The following CARMIL1 variants were observed in gnomAD, a reference collection of about 807,000 sequenced individuals.
CARMIL1 encodes the protein F-actin-uncapping protein LRRC16A.
A neutral mutation model predicts 177.1 loss-of-function variants in CARMIL1; 90 were observed. The observed-to-expected ratio is 0.51, with a 90% CI of 0.43 to 0.61. The LOEUF is 0.61. Among genes scored for constraint, CARMIL1 ranks in the 20% least tolerant of loss-of-function variants. The pLI, the probability that CARMIL1 is intolerant of heterozygous loss-of-function variation, is 0.00. For synonymous variants in CARMIL1, 577 were observed against 606.2 expected (o/e 0.95, Z 0.71); for missense variants, 1,380 against 1,667.0 (o/e 0.83, Z 3.00).
intron 3 of CARMIL1, among the ~76,000 whole-genome samples, chr6:25,422,060 G>T (rs1795908941): frequency 6.6e-6 from 1 of 152,072 alleles, no homozygotes; most frequent in African/African-American, 2.4e-5. Flanking sequence ...ATAGCTAAAA[G>T]ATGTGAAGTT....
At chr6:25,447,921 T>G (rs1431258432) in intron 5 of CARMIL1, among the ~76,000 whole-genome samples, 1 of 152,090 alleles carries the variant, frequency 6.6e-6, no homozygotes, top group African/African-American at 2.4e-5. Context: ...CTGCTCCTTC[T>G]GTCCACACTG....
rs536491747 is a variant in CARMIL1 at position 25,481,572 on chromosome 6, C to T, written c.875-685C>T. Among the ~76,000 whole-genome samples, 6 of 152,302 alleles carry T rather than the reference C, an allele frequency of 3.9e-5. No individual in the cohort carries two copies. The South Asian group carries it at 1.2e-3, about 32-fold the overall frequency. On this transcript the variant is annotated intron_variant, in intron 11 of 36. Transcript: ENST00000329474. ...TTGAAGGACCTGTATGAAGGGCATA[C>T]GTTTGTGTATTACTTATTTCCTCCC... is the stretch of plus-strand genomic sequence containing the variant.
intron 17 of CARMIL1, among the ~76,000 whole-genome samples, chr6:25,505,835 T>G (rs1159547319): frequency 7.0e-6 from 1 of 142,166 alleles, no homozygotes; most frequent in Non-Finnish European, 1.5e-5. Context: ...GGGACTAAAT[T>G]CTTCAAACTT....
intron 1 of CARMIL1, among the ~76,000 whole-genome samples, chr6:25,283,988 G>T (rs140624591): frequency 0.02 from 3,027 of 152,204 alleles, 75 homozygotes; most frequent in African/African-American, 0.049. Context: ...AAAGTGCTGG[G>T]ATTACAGACG....
rs553676759 is a variant in CARMIL1, at chr6:25,361,406, C to T, written c.139-58708C>T. 3.3e-5 allele frequency among the ~76,000 whole-genome samples: 5 copies of T among 152,178 alleles called. No individual in the cohort carries two copies. The East Asian group carries it at 9.7e-4, about 29-fold the overall frequency. On this transcript the variant is annotated intron_variant, in intron 2 of 36. Transcript: ENST00000329474. ...CCCCTGCACACTCCTCCCACCCCAC[C>T]CTTCCAAGCTTGATCTCAGCAAATT...
intron 5 of CARMIL1, among the ~76,000 whole-genome samples, chr6:25,444,526 C>A (rs1798044186): frequency 2.0e-5 from 3 of 152,112 alleles, no homozygotes; most frequent in Admixed American, 2.0e-4. Flanking sequence ...CCTCCCCCAG[C>A]CCCCACCGCC....
At chr6:25,578,391 C>T (rs1364538778) in intron 29 of CARMIL1, among the ~76,000 whole-genome samples, 1 of 152,078 alleles carries the variant, frequency 6.6e-6, no homozygotes, top group African/African-American at 2.4e-5. Flanking sequence ...GCAAATAAAC[C>T]AAATTTCTAG....
chr6:25,298,533 T>A (rs1394723496), intron 2 of CARMIL1, among the ~76,000 whole-genome samples: 6 of 152,222 alleles, frequency 3.9e-5, no homozygotes, highest in Non-Finnish European at 8.8e-5. Context: ...GCATTTCCAA[T>A]ACGTATCTGT....
intron 17 of CARMIL1, among the ~76,000 whole-genome samples, chr6:25,504,645 C>A (rs1331503762): frequency 2.0e-5 from 3 of 152,140 alleles, no homozygotes; most frequent in Admixed American, 6.5e-5. Flanking sequence ...AACTTCTATA[C>A]TTACAGGAAA....
intron 1 of CARMIL1, among the ~76,000 whole-genome samples, chr6:25,283,434 C>CTT (rs1283498154): frequency 6.6e-6 from 1 of 152,110 alleles, no homozygotes; most frequent in African/African-American, 2.4e-5. Context: ...TTTTAGGAGA[C>CTT]TGACTTTCTG....
rs1810463587 is a variant in CARMIL1, at chr6:25,554,904, C to G, written c.2592+808C>G. Among the ~76,000 whole-genome samples the G allele has an allele frequency of 6.6e-6, 1 of 152,164 alleles. No homozygotes were observed. The highest frequency in any genetic ancestry group is 2.4e-5 in the African/African-American group (1 of 41,436). On this transcript the variant is annotated intron_variant, in intron 28 of 36. Transcript: ENST00000329474. This position sits in a 1 kb window ranked among gnomAD's most constrained non-coding sequence, Gnocchi z 4.6. ...CTAGAGAATCCTAAAATGAGAGGAG[C>G]AGCAATAGCTTCTTCTGCGTGAAAC...
intron 25 of CARMIL1, among the ~76,000 whole-genome samples, chr6:25,539,452 G>C (rs1026954896): frequency 1.3e-5 from 2 of 151,756 alleles, no homozygotes; most frequent in African/African-American, 4.8e-5. Flanking sequence ...TCATACCCCA[G>C]ATGAAGACAT....
At chr6:25,451,850 C>T (rs1798957229) in intron 8 of CARMIL1, among the ~76,000 whole-genome samples, 1 of 152,064 alleles carries the variant, frequency 6.6e-6, no homozygotes, top group Non-Finnish European at 1.5e-5. Context: ...TAAACTCCAA[C>T]CCAATAAATC....
intron 11 of CARMIL1, among the ~76,000 whole-genome samples, chr6:25,477,981 A>G (rs1465269054): frequency 6.7e-6 from 1 of 149,658 alleles, no homozygotes; most frequent in Non-Finnish European, 1.5e-5. Context: ...TCAGTCTCCC[A>G]AGTAGCTGGG....
Position 25,600,414 on chromosome 6 carries a change from A to G in CARMIL1, c.3220A>G (p.Ile1074Val), listed in dbSNP as rs749634790. 8.7e-6 allele frequency: 14 copies of G among 1,613,880 alleles called. No homozygotes were observed. Among genetic ancestry groups the G allele is most frequent in the South Asian group, 2.2e-5 (2 of 91,086 alleles). The change falls in exon 33 of 37, where the codon ATC becomes GTC. Residue 1074 changes from isoleucine (I) to valine (V), a missense_variant. Physicochemically the swap from Ile to Val is conservative, Grantham distance 29. Coordinates refer to ENST00000329474, the MANE Select transcript of CARMIL1 (RefSeq NM_017640.6). ...GAAAAGTAGTGGCTTTCTCAATTTA[A>G]TCAAATCCCGGTCCAAATCCGAGCG... is the stretch of plus-strand genomic sequence containing the variant. ...SRKSSGFLNL[I>V]KSRSKSERPP...
At chr6:25,472,379 A>G (rs1440911131) in intron 10 of CARMIL1, 48 bp from the exon 11 acceptor site, 8 of 1,274,594 alleles carry the variant, frequency 6.3e-6, no homozygotes, top group South Asian at 2.6e-5. Flanking sequence ...TTCCGTTCGA[A>G]TGGTTTTACA....
chr6:25,317,015 G>A (rs1784334152), intron 2 of CARMIL1, among the ~76,000 whole-genome samples: 1 of 152,192 alleles, frequency 6.6e-6, no homozygotes, highest in African/African-American at 2.4e-5. Context: ...AATGTTTGAA[G>A]ACTGTTACTA....
chr6:25,550,822 G>C, intron 26 of CARMIL1, 88 bp from the exon 27 acceptor site: 1 of 1,212,352 alleles, frequency 8.2e-7, no homozygotes, highest in Admixed American at 2.0e-5. Context: ...TGAGGGCTCC[G>C]TGTCATATAT....
intron 29 of CARMIL1, among the ~76,000 whole-genome samples, chr6:25,573,608 A>T (rs1384283759): frequency 1.3e-5 from 2 of 151,658 alleles, no homozygotes; most frequent in Non-Finnish European, 2.9e-5. Flanking sequence ...AAAAAAAAAA[A>T]AAATCCTTTT....
Sources: gnomAD v4.1 joint callset for allele counts (sites outside exome capture counted in the v4.1 genomes callset) on GRCh38, gnomAD v4.1.1 for gene constraint, Gnocchi (gnomAD v3.1) non-coding constraint, MANE v1.5 for transcripts, NCBI Gene and HGNC (gene_info 2026-07-23, HGNC 2026-07-21) for gene names.